Variants in PRCD observed in about 807,000 individuals in gnomAD.
PRCD encodes the protein photoreceptor disk component PRCD.
PRCD carries 12 observed loss-of-function variants against 10.1 expected under a neutral mutation model. The observed-to-expected ratio is 1.18, with a 90% CI of 0.76 to 1.92. The LOEUF is 1.92. Among genes scored for constraint, PRCD ranks in the 40% most tolerant of loss-of-function variants. The probability of loss-of-function intolerance (pLI) is 0.00; values close to 1 mark genes in which losing one functional copy is unlikely to be tolerated. For missense variants in PRCD, 61 were observed against 72.2 expected, an observed-to-expected ratio of 0.84 and a Z score of 0.56; for synonymous variants, 31 against 26.2, an observed-to-expected ratio of 1.18 and a Z score of -0.56.
chr17:76,537,672 G>A (rs927279331), upstream of PRCD: 4 of 853,842 alleles, frequency 4.7e-6, no homozygotes, highest in African/African-American at 5.5e-5. Context: ...GAGCGCGGAG[G>A]GAGGGAGCGT....
rs569730512 is a variant in PRCD at position 76,533,447 on chromosome 17, G to T, written n.45+5614G>T. On this transcript the variant is annotated intron_variant and non_coding_transcript_variant, in intron 1 of 4. Coordinates refer to the PRCD transcript ENST00000397633. This position sits in a 1 kb window ranked among gnomAD's most constrained non-coding sequence, Gnocchi z 4.5. ...TGCAATAAAAAATAATGATATGGCC[G>T]GGCACGGTGGCTCACGCCTATAATC... Among the ~76,000 whole-genome samples, 77 of 152,212 alleles carry T rather than the reference G, an allele frequency of 5.1e-4. No individual in the cohort carries two copies. Among genetic ancestry groups the T allele is most frequent in the Admixed American group, 9.2e-4 (14 of 15,276 alleles).
chr17:76,549,943 GTTT>G (rs950657503), downstream of PRCD: 1 of 152,004 alleles, frequency 6.6e-6, no homozygotes, highest in Non-Finnish European at 1.5e-5. Flanking sequence ...GAAGGTTTTT[GTTT>G]TTTTGTTTGT....
intron 1 of PRCD, chr17:76,552,747 C>T (rs2143230644): frequency 6.6e-6 from 1 of 150,814 alleles, no homozygotes; most frequent in Non-Finnish European, 1.5e-5. Context: ...ACCTGTAATC[C>T]CAGCTACTTG....
intron 1 of PRCD, chr17:76,529,143 A>G (rs576215716): frequency 1.0e-6 from 1 of 980,584 alleles, no homozygotes; most frequent in Non-Finnish European, 1.2e-6. Flanking sequence ...CCCTGATAAG[A>G]GAAGTTGGGC....
upstream of PRCD, chr17:76,538,273 T>C: frequency 5.2e-6 from 1 of 192,606 alleles, no homozygotes; most frequent in South Asian, 6.0e-5. Flanking sequence ...AGCCAGCCGC[T>C]GGGGGCCGCG....
chr17:76,527,837 A>G, intron 1 of PRCD: 1 of 453,290 alleles, frequency 2.2e-6, no homozygotes. Flanking sequence ...ACAGCCGGTG[A>G]GTCAGTTCCT....
Position 76,545,083 on chromosome 17 carries a change from G to C in PRCD, c.*1433G>C, listed in dbSNP as rs2075039762. 4.4e-6 allele frequency: 2 copies of C among 453,796 alleles called. No homozygotes were observed. The highest frequency in any genetic ancestry group is 4.4e-6 in the Non-Finnish European group (1 of 225,432). The allele number at this position is 453,796 out of a possible 1,614,324, so 28.1% of individuals were successfully genotyped here. Reference sequence around the variant, plus strand: ...GTGGGGGGGCTGTCTCCCCCAGGGAGCAGGCTGGCTTTGGTGGGAGCAGAT... The same window carrying C: ...GTGGGGGGGCTGTCTCCCCCAGGGACCAGGCTGGCTTTGGTGGGAGCAGAT... On this transcript the variant is annotated 3_prime_UTR_variant, in exon 5 of 5. Transcript: ENST00000592014.
rs1171916184 is a variant in PRCD at position 76,531,807 on chromosome 17, C to T, written n.45+3974C>T. 2.9e-5 allele frequency: 24 copies of T among 824,132 alleles called. No homozygotes were observed. The African/African-American group carries it at 2.9e-4, about 10-fold the overall frequency. The allele number at this position is 824,132 out of a possible 1,614,324, so 51.1% of individuals were successfully genotyped here. On this transcript the variant is annotated intron_variant and non_coding_transcript_variant, in intron 1 of 4. Coordinates refer to the PRCD transcript ENST00000397633. This position sits in a 1 kb window ranked among gnomAD's most constrained non-coding sequence, Gnocchi z 7.4. Reference sequence around the variant, plus strand: ...ACCGCAGTGCTCCCCACCCCCGCACCGTCACTGTTTTCACTACCATCAGTA... The same window carrying T: ...ACCGCAGTGCTCCCCACCCCCGCACTGTCACTGTTTTCACTACCATCAGTA...
At position 76,528,592 on chromosome 17, in the gene PRCD, A is replaced by T; in HGVS notation, n.45+759A>T. The T allele has an allele frequency of 7.8e-7, 1 of 1,285,100 alleles. No individual in the cohort carries two copies. Among genetic ancestry groups the T allele is most frequent in the South Asian group, 3.2e-5 (1 of 31,218 alleles). The allele number at this position is 1,285,100 out of a possible 1,614,324, so 79.6% of individuals were successfully genotyped here. A position where few individuals can be genotyped will look rare whatever the true frequency, so the allele number is the denominator to read the frequency against. The stretch of plus-strand genomic sequence containing the variant: ...AGTTAGGGGTCCTACGGCCCCGAAG[A>T]GGGCAGTGTGGCCGGTGGGCTGTGG... On this transcript the variant is annotated intron_variant and non_coding_transcript_variant, in intron 1 of 4. Coordinates refer to the PRCD transcript ENST00000397633. This position sits in a 1 kb window ranked among gnomAD's most constrained non-coding sequence, Gnocchi z 5.8.
chr17:76,540,539 A>T lies in PRCD; in HGVS notation c.109A>T (p.Ser37Cys). 1 of 1,613,486 alleles carries T rather than the reference A, an allele frequency of 6.2e-7. No individual in the cohort carries two copies. The highest frequency in any genetic ancestry group is 8.5e-7 in the Non-Finnish European group (1 of 1,179,922). Residue 37 changes from serine to cysteine, a missense_variant, in exon 2 of 5, where the codon AGC (serine) becomes TGC (cysteine). Transcript: ENST00000592014. This position sits in a 1 kb window ranked among gnomAD's most constrained non-coding sequence, Gnocchi z 5.0. The part of the protein sequence containing the change: ...PSDVDGAARG[S>C]SLDADPQSSG... ...CGACGTGGATGGGGCAGCTAGGGGCAGCAGCTTGGATGCGGACCCTCAGTC... is the reference window on the plus strand; with the variant it reads ...CGACGTGGATGGGGCAGCTAGGGGCTGCAGCTTGGATGCGGACCCTCAGTC...
chr17:76,539,875 C>G (rs994472786), upstream of PRCD, among the ~76,000 whole-genome samples: 1 of 152,224 alleles, frequency 6.6e-6, no homozygotes, highest in African/African-American at 2.4e-5. Flanking sequence ...CCAGTCTCAT[C>G]AGATCGAGAC....
At position 76,532,530 on chromosome 17, in the gene PRCD, CTT is replaced by C. The variant is rs111936272; in HGVS notation, n.45+4715_45+4716del. On this transcript the variant is annotated intron_variant and non_coding_transcript_variant, in intron 1 of 4. Coordinates refer to the PRCD transcript ENST00000397633. The stretch of plus-strand genomic sequence containing the variant: ...CCTGCAGTGTGAAAAATGACAATGG[CTT>C]TTTTTTTTTTTTTTTTTGAGATGGA... Among the ~76,000 whole-genome samples the C allele has an allele frequency of 4.4e-4, 55 of 125,688 alleles. 1 individual carries two copies. Among genetic ancestry groups the C allele is most frequent in the Admixed American group, 3.1e-3 (38 of 12,202 alleles). The allele number at this position is 125,688 out of a possible 152,430, so 82.5% of individuals were successfully genotyped here.
At chr17:76,542,327 C>A (rs896194548) in intron 2 of PRCD, among the ~76,000 whole-genome samples, 3 of 152,208 alleles carry the variant, frequency 2.0e-5, no homozygotes, top group Non-Finnish European at 4.4e-5. Context: ...ATTGGTCTGA[C>A]ATCGAGGAAC....
In PRCD at chr17:76,540,858, G is replaced by A. The variant is rs1212817019; in HGVS notation, c.143+285G>A. On this transcript the variant is annotated intron_variant, in intron 2 of 4. Coordinates refer to ENST00000592014, the MANE Select transcript of PRCD (RefSeq NM_001077620.3). This position sits in a 1 kb window ranked among gnomAD's most constrained non-coding sequence, Gnocchi z 5.0. ...GGGCACCTTCTGTCAGAAGGCACAG[G>A]GGAGTGGAAGGAGGGATGAGGCAGG... Among the ~76,000 whole-genome samples, 1 of 152,224 alleles carries A rather than the reference G, an allele frequency of 6.6e-6. No individual in the cohort carries two copies. The highest frequency in any genetic ancestry group is 2.4e-5 in the African/African-American group (1 of 41,456).
chr17:76,551,957 G>A (rs1598221688), intron 1 of PRCD: 1 of 152,206 alleles, frequency 6.6e-6, no homozygotes, highest in Non-Finnish European at 1.5e-5. Context: ...AATCAGATGA[G>A]ACAGTGAATA....
At chr17:76,538,657 C>A (rs568013438), upstream of PRCD, 562 of 348,260 alleles carry the variant, frequency 1.6e-3, 3 homozygotes, top group Non-Finnish European at 2.9e-3. Flanking sequence ...ACCAAGGGCC[C>A]GATTCCGGGC....
intron 2 of PRCD, among the ~76,000 whole-genome samples, chr17:76,541,300 G>C (rs2074990667): frequency 6.6e-6 from 1 of 152,200 alleles, no homozygotes; most frequent in South Asian, 2.1e-4. Context: ...CCTAGCGTGG[G>C]AGACCTGTCT....
chr17:76,527,607 C>G (rs1182352578), upstream of PRCD: 1 of 453,088 alleles, frequency 2.2e-6, no homozygotes. Context: ...CGACTGCCGG[C>G]CAGGAGGAGG....
chr17:76,540,190 C>T lies in PRCD; in HGVS notation c.49C>T (p.Arg17Cys), dbSNP rs375181336. ...CAGCACCCTGGCCATGCTCTGGCGC[C>T]GCCGATTTGCCAACCGAGTCCAACC... The part of the protein sequence containing the change: ...LLSTLAMLWR[R>C]RFANRVQPEP... Residue 17 changes from arginine (R) to cysteine (C), a missense_variant, in exon 1 of 5, where the codon CGC becomes TGC. By Grantham distance (180) the Arg-to-Cys change is radical (BLOSUM62 -3). Transcript: ENST00000592014. This position sits in a 1 kb window ranked among gnomAD's most constrained non-coding sequence, Gnocchi z 5.0. 1.4e-3 allele frequency: 2,171 copies of T among 1,603,082 alleles called. 45 individuals are homozygous for T. The South Asian group carries it at 0.023, about 17-fold the overall frequency.
Sources: gnomAD v4.1 joint callset for allele counts (sites outside exome capture counted in the v4.1 genomes callset) on GRCh38, gnomAD v4.1.1 for gene constraint, Gnocchi (gnomAD v3.1) non-coding constraint, MANE v1.5 for transcripts, NCBI Gene and HGNC (gene_info 2026-07-23, HGNC 2026-07-21) for gene names.